The following ARHGEF37 variants were observed in gnomAD, a reference collection of about 807,000 sequenced individuals.
The protein encoded by ARHGEF37 is Rho guanine nucleotide exchange factor (GEF) 37.
ARHGEF37 carries 55 observed loss-of-function variants against 71.1 expected under a neutral mutation model. The observed-to-expected ratio is 0.77, with a 90% confidence interval of 0.62 to 0.97. The LOEUF (loss-of-function observed/expected upper bound fraction) is 0.97, where lower values mean the gene tolerates loss of function less well. Ranked by LOEUF, ARHGEF37 falls within the 50% of genes least tolerant of loss-of-function variation. ARHGEF37 has a pLI of 0.00. For missense variants in ARHGEF37, 765 were observed against 836.8 expected (o/e 0.91, Z 1.06); for synonymous variants, 327 against 350.6 (o/e 0.93, Z 0.75).
At chr5:149,591,612 A>G (rs961737629) in intron 1 of ARHGEF37, among the ~76,000 whole-genome samples, 1 of 152,232 alleles carries the variant, frequency 6.6e-6, no homozygotes, top group Non-Finnish European at 1.5e-5. Flanking sequence ...AACTTAAGCT[A>G]TATAGACAGT....
chr5:149,616,875 C>A, intron 5 of ARHGEF37, 109 bp downstream of exon 5: 1 of 1,168,836 alleles, frequency 8.6e-7, no homozygotes, highest in Non-Finnish European at 1.2e-6. Flanking sequence ...GCTTATGTAA[C>A]TATAAATCCA....
chr5:149,598,430 CCTT>C (rs1293180422), intron 2 of ARHGEF37, among the ~76,000 whole-genome samples: 12 of 146,108 alleles, frequency 8.2e-5, no homozygotes, highest in Admixed American at 2.8e-4. Flanking sequence ...TTCTCCTTCT[CCTT>C]CTTCTCCTTC....
At chr5:149,585,730 G>A (rs1318006186) in intron 1 of ARHGEF37, among the ~76,000 whole-genome samples, 1 of 152,186 alleles carries the variant, frequency 6.6e-6, no homozygotes, top group Non-Finnish European at 1.5e-5. Context: ...TGTTGGCCAG[G>A]CTGGTCTCGA....
intron 11 of ARHGEF37, among the ~76,000 whole-genome samples, chr5:149,628,007 A>G (rs1183861485): frequency 2.6e-5 from 4 of 152,256 alleles, no homozygotes; most frequent in Non-Finnish European, 5.9e-5. Context: ...TGTATATAGT[A>G]CAAGATGAAG....
Position 149,632,254 on chromosome 5 carries a change from G to C in ARHGEF37, c.*63G>C, listed in dbSNP as rs1190104433. On this transcript the variant is annotated 3_prime_UTR_variant, in exon 13 of 13. Transcript: ENST00000333677. ...GGAGGCTTAGAGGCTCTGACCCTGGGGGGAAAAGAAGCAAAGGAAAGGTGG... is the reference window on the plus strand; with the variant it reads ...GGAGGCTTAGAGGCTCTGACCCTGGCGGGAAAAGAAGCAAAGGAAAGGTGG... 1 of 1,564,416 alleles carries C rather than the reference G, an allele frequency of 6.4e-7. No homozygotes were observed. The highest frequency in any genetic ancestry group is 2.3e-5 in the East Asian group (1 of 43,992).
intron 1 of ARHGEF37, among the ~76,000 whole-genome samples, chr5:149,593,444 T>C (rs1317834395): frequency 3.9e-5 from 6 of 152,220 alleles, no homozygotes; most frequent in Non-Finnish European, 8.8e-5. Context: ...TGTGATTGCC[T>C]TTTTTCACTA....
intron 1 of ARHGEF37, among the ~76,000 whole-genome samples, chr5:149,586,722 G>A (rs1457381378): frequency 2.0e-5 from 3 of 152,174 alleles, no homozygotes; most frequent in Non-Finnish European, 4.4e-5. Context: ...ACAAAACAGA[G>A]CCCAGAGGTG....
chr5:149,632,149 G>A lies in ARHGEF37; in HGVS notation c.1986G>A (p.Arg662=). The change falls in exon 13 of 13, where the codon AGG becomes AGA. Residue 662 remains arginine, a synonymous_variant. Transcript: ENST00000333677. ...ATGTGCCTTCTGGCTTCTTGGCCAG[G>A]GCTCGGAGCCCAGTTCTGTGGGGCT... ...RGYVPSGFLA[R]ARSPVLWGWS... The A allele has an allele frequency of 6.2e-7, 1 of 1,614,242 alleles. No homozygotes were observed. The highest frequency in any genetic ancestry group is 8.5e-7 in the Non-Finnish European group (1 of 1,180,050).
intron 1 of ARHGEF37, among the ~76,000 whole-genome samples, chr5:149,588,152 CT>C (rs1282169997): frequency 1.3e-5 from 2 of 152,062 alleles, no homozygotes; most frequent in East Asian, 3.9e-4. Flanking sequence ...CCGCCTTGGC[CT>C]CCCAAAGTGC....
At chr5:149,560,002 C>T (rs936106964) in intron 1 of ARHGEF37, among the ~76,000 whole-genome samples, 1 of 152,110 alleles carries the variant, frequency 6.6e-6, no homozygotes, top group Admixed American at 6.6e-5. Context: ...AAGCAAGCAG[C>T]AGGGGGTGGG....
At chr5:149,614,566 G>A (rs1429424099) in intron 4 of ARHGEF37, among the ~76,000 whole-genome samples, 1 of 152,162 alleles carries the variant, frequency 6.6e-6, no homozygotes, top group Non-Finnish European at 1.5e-5. Flanking sequence ...TAATTTGTGA[G>A]GCGATAGTTG....
intron 1 of ARHGEF37, among the ~76,000 whole-genome samples, chr5:149,574,554 T>C (rs6889482): frequency 0.024 from 3,680 of 152,338 alleles, 87 homozygotes; most frequent in East Asian, 0.1. Flanking sequence ...CATTTACTGC[T>C]TTCCTAGAGT....
At chr5:149,594,900 T>C (rs1018188687) in intron 1 of ARHGEF37, among the ~76,000 whole-genome samples, 7 of 152,230 alleles carry the variant, frequency 4.6e-5, no homozygotes, top group Admixed American at 6.5e-5. Flanking sequence ...AGGAAGGAAC[T>C]ATAACTATTG....
rs58959997 is a variant in ARHGEF37, at chr5:149,558,691, ATGTGTGTGTGTGTGTGTG to A, written c.-12+6598_-12+6615del. On this transcript the variant is annotated intron_variant, in intron 1 of 2. Coordinates refer to the ARHGEF37 transcript ENST00000505810. The stretch of plus-strand genomic sequence containing the variant: ...ATGATCTTTAAAAAACCATATATAT[ATGTGTGTGTGTGTGTGTG>A]TGTGTGTGTGTGTGTGTGTGTGTGT... Among the ~76,000 whole-genome samples, 969 of 128,080 alleles carry A rather than the reference ATGTGTGTGTGTGTGTGTG, an allele frequency of 7.6e-3. 13 individuals carry two copies. Among genetic ancestry groups the A allele is most frequent in the Non-Finnish European group, 9.5e-3 (587 of 61,516 alleles). The allele number at this position is 128,080 out of a possible 152,430, so 84.0% of individuals were successfully genotyped here. A position where few individuals can be genotyped will look rare whatever the true frequency, so the allele number is the denominator to read the frequency against.
In ARHGEF37 at chr5:149,598,759, G is replaced by GAT. The variant is rs3073460; in HGVS notation, c.186+808_186+809dup. Among the ~76,000 whole-genome samples, 746 of 120,730 alleles carry GAT rather than the reference G, an allele frequency of 6.2e-3. 17 individuals are homozygous for GAT. Among genetic ancestry groups the GAT allele is most frequent in the African/African-American group, 0.014 (458 of 32,506 alleles). The allele number at this position is 120,730 out of a possible 152,430, so 79.2% of individuals were successfully genotyped here. On this transcript the variant is annotated intron_variant, in intron 2 of 12. Transcript: ENST00000333677. Reference sequence around the variant, plus strand: ...TCTCATATATATATATCTATATATAGATATAGATATAGATATAGATATATA... The same window carrying GAT: ...TCTCATATATATATATCTATATATAGATATATAGATATAGATATAGATATATA...
At chr5:149,585,161 A>G (rs192462591) in intron 1 of ARHGEF37, among the ~76,000 whole-genome samples, 22 of 152,372 alleles carry the variant, frequency 1.4e-4, no homozygotes, top group Admixed American at 5.9e-4. Flanking sequence ...GATGTTGACC[A>G]GAAGGTAGAG....
At chr5:149,623,580 G>C (rs189247102) in intron 9 of ARHGEF37, among the ~76,000 whole-genome samples, 5 of 152,316 alleles carry the variant, frequency 3.3e-5, no homozygotes, top group Admixed American at 1.3e-4. Context: ...TGCCAGTAGA[G>C]AGGTGGTCAC....
At position 149,618,989 on chromosome 5, in the gene ARHGEF37, C is replaced by G. The variant is rs1437366867; in HGVS notation, c.841C>G (p.Leu281Val). ...AGAAGAGAGGTTCCAGTGGGTGTCT[C>G]TGTGTGTGACTGAGCTGAAGAACAA... ...DLEERFQWVS[L>V]CVTELKNNVA... Residue 281 changes from leucine to valine, a missense_variant, in exon 7 of 13, where the codon CTG (leucine) becomes GTG (valine). By Grantham distance (32) the Leu-to-Val change is conservative. Transcript: ENST00000333677. 2 of 1,614,048 alleles carry G rather than the reference C, an allele frequency of 1.2e-6. No homozygotes were observed. The highest frequency in any genetic ancestry group is 1.3e-5 in the African/African-American group (1 of 74,908).
At chr5:149,563,011 TC>T (rs1386419844) in intron 1 of ARHGEF37, among the ~76,000 whole-genome samples, 1 of 152,162 alleles carries the variant, frequency 6.6e-6, no homozygotes, top group Admixed American at 6.5e-5. Flanking sequence ...GGGTCTGACT[TC>T]CAGTTGTGCC....
Sources: gnomAD v4.1 joint callset for allele counts (sites outside exome capture counted in the v4.1 genomes callset) on GRCh38, gnomAD v4.1.1 for gene constraint, MANE v1.5 for transcripts, NCBI Gene and HGNC (gene_info 2026-07-23, HGNC 2026-07-21) for gene names.